KLHL21: variants seen among roughly 807,000 people sequenced by gnomAD.
KLHL21 encodes the protein kelch-like protein 21.
A neutral mutation model predicts 44.1 loss-of-function variants in KLHL21; 42 were observed. That is an observed-to-expected ratio of 0.95 (90% CI 0.74 to 1.23). The LOEUF (loss-of-function observed/expected upper bound fraction) is 1.23, where lower values mean the gene tolerates loss of function less well. Among genes scored for constraint, KLHL21 ranks in the 50% most tolerant of loss-of-function variants. The pLI is 0.00. For missense variants in KLHL21, 918 were observed against 889.1 expected, an observed-to-expected ratio of 1.03 and a Z score of -0.41; for synonymous variants, 524 against 411.6, an observed-to-expected ratio of 1.27 and a Z score of -3.31.
rs748581256 is a variant in KLHL21 at position 6,593,400 on chromosome 1, G to A, written c.1759C>T (p.Pro587Ser). 1 of 1,606,558 alleles carries A rather than the reference G, an allele frequency of 6.2e-7. No individual in the cohort carries two copies. Among genetic ancestry groups the A allele is most frequent in the Non-Finnish European group, 8.5e-7 (1 of 1,176,614 alleles). ...SGSDDMDPGR[P>S]RPPRDPDELH ...TCATCGGGGTCCCGCGGCGGCCGGG[G>A]TCGGCCTGGGTCCATGTCATCGCTG... The change falls in exon 4 of 4, where the codon CCC becomes TCC. Residue 587 changes from proline to serine, a missense_variant. Physicochemically the swap from Pro to Ser is moderately conservative, Grantham distance 74. Coordinates refer to ENST00000377658, the MANE Select transcript of KLHL21 (RefSeq NM_014851.4).
chr1:6,598,655 GAC>G (rs1640962277), intron 2 of KLHL21, among the ~76,000 whole-genome samples: 1 of 152,140 alleles, frequency 6.6e-6, no homozygotes, highest in Non-Finnish European at 1.5e-5. Flanking sequence ...GGCCAAGGCG[GAC>G]CGATCATGAG....
chr1:6,591,625 CCAA>C lies in KLHL21; in HGVS notation c.*1737_*1739del, dbSNP rs1640851931. ...GGGAGACAAGCTGCCCCGCTGAACT[CCAA>C]CAACCTCTGGGTGGGCTCAGCAGCC... On this transcript the variant is annotated 3_prime_UTR_variant, in exon 4 of 4. Transcript: ENST00000377658. The C allele has an allele frequency of 6.6e-6, 1 of 152,468 alleles. No homozygotes were observed. Among genetic ancestry groups the C allele is most frequent in the Admixed American group, 6.5e-5 (1 of 15,288 alleles). The allele number at this position is 152,468 out of a possible 1,614,324, so 9.4% of individuals were successfully genotyped here.
At chr1:6,601,273 G>C (rs1641012869) in intron 1 of KLHL21, among the ~76,000 whole-genome samples, 1 of 152,198 alleles carries the variant, frequency 6.6e-6, no homozygotes, top group South Asian at 2.1e-4. Flanking sequence ...GCTCCGGGGA[G>C]TTCAGCCTAA....
At chr1:6,597,278 C>T (rs1466041900) in intron 2 of KLHL21, among the ~76,000 whole-genome samples, 3 of 152,178 alleles carry the variant, frequency 2.0e-5, no homozygotes, top group African/African-American at 7.2e-5. Flanking sequence ...ACCCAGCAGG[C>T]AGACCTCCCT....
chr1:6,594,097 CTA>C (rs1023932116), intron 3 of KLHL21: 2 of 999,128 alleles, frequency 2.0e-6, no homozygotes, highest in African/African-American at 1.7e-5. Context: ...TTCGCTATGA[CTA>C]TGTGCAGCTT....
At chr1:6,593,754 T>A (rs1205475885) in intron 3 of KLHL21, 96 bp from the exon 4 acceptor site, 2 of 1,447,844 alleles carry the variant, frequency 1.4e-6, no homozygotes, top group African/African-American at 2.9e-5. Context: ...GCCCTGTCAG[T>A]ACCCCAGAGG....
chr1:6,601,752 C>G, intron 1 of KLHL21, 45 bp downstream of exon 1: 2 of 1,490,830 alleles, frequency 1.3e-6, no homozygotes. Flanking sequence ...CCCGTACCGG[C>G]GAGGTTCAAC....
Position 6,601,986 on chromosome 1 carries a change from G to A in KLHL21, c.832C>T (p.Pro278Ser). 3.9e-6 allele frequency: 6 copies of A among 1,553,008 alleles called. No homozygotes were observed. Among genetic ancestry groups the A allele is most frequent in the Non-Finnish European group, 5.2e-6 (6 of 1,148,224 alleles). Residue 278 changes from proline (P) to serine (S), a missense_variant, in exon 1 of 4, where the codon CCT becomes TCT. Pro to Ser is a moderately conservative substitution (Grantham distance 74). Transcript: ENST00000377658. ...TCGGCGAGACCGGTGGACGGGCGAG[G>A]ACGCATTCGGGGACAGGGCCCGCGG... ...HDRGPCPRMR[P>S]RPSTGLAEIL...
intron 1 of KLHL21, among the ~76,000 whole-genome samples, chr1:6,601,388 G>C (rs1197164533): frequency 6.6e-6 from 1 of 152,200 alleles, no homozygotes; most frequent in Non-Finnish European, 1.5e-5. Flanking sequence ...AGCAGGGAGG[G>C]AGAAATTCCC....
At position 6,601,861 on chromosome 1, in the gene KLHL21, C is replaced by A; in HGVS notation, c.957G>T (p.Glu319Asp). The A allele has an allele frequency of 5.1e-6, 8 of 1,579,172 alleles. No homozygotes were observed. Among genetic ancestry groups the A allele is most frequent in the Non-Finnish European group, 6.9e-6 (8 of 1,163,474 alleles). ...PQTGQWRYLA[E>D]FPDHLGGGYS... Reference sequence around the variant, plus strand: ...AGCCTCCGCCCAGGTGGTCTGGGAACTCGGCCAGGTAGCGCCACTGACCCG... The same window carrying A: ...AGCCTCCGCCCAGGTGGTCTGGGAAATCGGCCAGGTAGCGCCACTGACCCG... Residue 319 changes from glutamate to aspartate, a missense_variant, in exon 1 of 4, where the codon GAG (glutamate) becomes GAT (aspartate). Glu to Asp is a conservative substitution (Grantham distance 45). Transcript: ENST00000377658.
rs1424583973 is a variant in KLHL21, at chr1:6,599,073, A to G, written c.1401T>C (p.Thr467=). The change falls in exon 2 of 4, where the codon ACT becomes ACC. Residue 467 remains threonine (T), a synonymous_variant. Coordinates refer to ENST00000377658, the MANE Select transcript of KLHL21 (RefSeq NM_014851.4). Reference sequence around the variant, plus strand: ...TGACAAAGTACATGAGTCCGTTTAGAGTCGCAGTCTTGGGGGCGAAGGACC... The same window carrying G: ...TGACAAAGTACATGAGTCCGTTTAGGGTCGCAGTCTTGGGGGCGAAGGACC... ...PPWSFAPKTA[T]LNGLMYFVRD... is the part of the protein sequence containing the mutation. 6.2e-7 allele frequency: 1 copy of G among 1,602,242 alleles called. No individual in the cohort carries two copies. The highest frequency in any genetic ancestry group is 1.3e-5 in the African/African-American group (1 of 74,812).
In KLHL21 at chr1:6,593,637, C is replaced by T. The variant is rs769433172; in HGVS notation, c.1522G>A (p.Ala508Thr). 1.3e-6 allele frequency: 2 copies of T among 1,584,882 alleles called. No individual in the cohort carries two copies. Among genetic ancestry groups the T allele is most frequent in the Non-Finnish European group, 1.7e-6 (2 of 1,162,324 alleles). ...MNQVHVGGSL[A>T]VLGGKLYVSG... ...ACGTACAGCTTCCCCCCAAGGACGG[C>T]CAGGCTGCCCCCCACATGTACCTGT... The change falls in exon 4 of 4, where the codon GCC becomes ACC. Residue 508 changes from alanine to threonine, a missense_variant. Transcript: ENST00000377658.
At chr1:6,594,942 C>T (rs961834631) in intron 3 of KLHL21, 1 of 167,896 alleles carries the variant, frequency 6.0e-6, no homozygotes. Context: ...CGCCTGTAGT[C>T]TCAGCTATTC....
intron 2 of KLHL21, among the ~76,000 whole-genome samples, chr1:6,595,920 C>T (rs1256517378): frequency 1.3e-5 from 2 of 152,192 alleles, no homozygotes; most frequent in Non-Finnish European, 2.9e-5. Context: ...CCTCCTTGCT[C>T]CACTGTGCAT....
chr1:6,602,580 G>A lies in KLHL21; in HGVS notation c.238C>T (p.His80Tyr), dbSNP rs1240301610. 2.0e-6 allele frequency: 3 copies of A among 1,532,402 alleles called. No individual in the cohort carries two copies. Among genetic ancestry groups the A allele is most frequent in the Non-Finnish European group, 1.7e-6 (2 of 1,144,572 alleles). 94.9% of individuals were successfully genotyped at this position (1,532,402 alleles called of 1,614,324 possible). ...RESRAERVRL[H>Y]GVPPDMLQLL... ...TGCAGCATGTCGGGAGGCACTCCGT[G>A]CAGGCGCACCCGCTCGGCGCGGCTC... Residue 80 changes from histidine (H) to tyrosine (Y), a missense_variant, in exon 1 of 4, where the codon CAC (histidine) becomes TAC (tyrosine). Coordinates refer to ENST00000377658, the MANE Select transcript of KLHL21 (RefSeq NM_014851.4).
Position 6,602,736 on chromosome 1 carries a change from G to A in KLHL21, c.82C>T (p.Leu28=), listed in dbSNP as rs751245875. 6.1e-4 allele frequency: 920 copies of A among 1,510,688 alleles called. No individual in the cohort carries two copies. Among genetic ancestry groups the A allele is most frequent in the Non-Finnish European group, 7.5e-4 (850 of 1,137,106 alleles). The allele number at this position is 1,510,688 out of a possible 1,614,324, so 93.6% of individuals were successfully genotyped here. A position where few individuals can be genotyped will look rare whatever the true frequency, so the allele number is the denominator to read the frequency against. Residue 28 remains leucine, a synonymous_variant, in exon 1 of 4, where the codon CTG becomes TTG. Transcript: ENST00000377658. ...ALSLLRGLSQ[L]RAERKFLDVT... Reference sequence around the variant, plus strand: ...TCCAGGAACTTGCGCTCGGCGCGCAGCTGGCTCAGGCCGCGCAGCAGGCTC... The same window carrying A: ...TCCAGGAACTTGCGCTCGGCGCGCAACTGGCTCAGGCCGCGCAGCAGGCTC...
chr1:6,602,636 A>C lies in KLHL21; in HGVS notation c.182T>G (p.Phe61Cys). The change falls in exon 1 of 4, where the codon TTC becomes TGC. Residue 61 changes from phenylalanine to cysteine, a missense_variant. Physicochemically the swap from Phe to Cys is radical, Grantham distance 205 (BLOSUM62 -2). Transcript: ENST00000377658. ...RAVLAAASPY[F>C]RAMFAGQLRE... ...CAGCTGCCCCGCGAACATGGCGCGG[A>C]AGTAGGGGCTGGCGGCGGCCAGCAC... 1 of 1,517,950 alleles carries C rather than the reference A, an allele frequency of 6.6e-7. No individual in the cohort carries two copies. The highest frequency in any genetic ancestry group is 8.8e-7 in the Non-Finnish European group (1 of 1,139,278). The allele number at this position is 1,517,950 out of a possible 1,614,324, so 94.0% of individuals were successfully genotyped here. A position where few individuals can be genotyped will look rare whatever the true frequency, so the allele number is the denominator to read the frequency against.
chr1:6,599,610 G>T, intron 1 of KLHL21, 158 bp from the exon 2 acceptor site: 1 of 762,618 alleles, frequency 1.3e-6, no homozygotes, highest in Non-Finnish European at 2.1e-6. Context: ...CAGGCCACAT[G>T]TTGTGGCTAA....
At chr1:6,597,844 G>A (rs1640948168) in intron 2 of KLHL21, among the ~76,000 whole-genome samples, 1 of 152,252 alleles carries the variant, frequency 6.6e-6, no homozygotes, top group Non-Finnish European at 1.5e-5. Flanking sequence ...CTCTAGGCTG[G>A]GAGGGAGCAG....
Sources: allele counts gnomAD v4.1 joint callset (sites outside exome capture counted in the v4.1 genomes callset), GRCh38; gene constraint gnomAD v4.1.1; transcripts MANE v1.5; gene names NCBI Gene and HGNC (gene_info 2026-07-23, HGNC 2026-07-21).